PCDH9: variants seen among roughly 807,000 people sequenced by gnomAD.
The protein encoded by PCDH9 is protocadherin 9, also known as protocadherin-9.
A neutral mutation model predicts 70.6 loss-of-function variants in PCDH9; 24 were observed. That is an observed-to-expected ratio of 0.34 (90% confidence interval 0.25 to 0.48). The LOEUF is 0.48. Among genes scored for constraint, PCDH9 ranks in the 20% least tolerant of loss-of-function variants. The pLI is 0.99. For synonymous variants in PCDH9, 562 were observed against 558.5 expected, an observed-to-expected ratio of 1.01 and a Z score of -0.09; for missense variants, 1,281 against 1,503.6, an observed-to-expected ratio of 0.85 and a Z score of 2.45.
chr13:67,230,093 C>T lies in PCDH9; in HGVS notation c.-449G>A, dbSNP rs2138158486. 1 of 152,398 alleles carries T rather than the reference C, an allele frequency of 6.6e-6. No homozygotes were observed. Among genetic ancestry groups the T allele is most frequent in the South Asian group, 2.1e-4 (1 of 4,830 alleles). The allele number at this position is 152,398 out of a possible 1,614,324, so 9.4% of individuals were successfully genotyped here. A position where few individuals can be genotyped will look rare whatever the true frequency, so the allele number is the denominator to read the frequency against. On this transcript the variant is annotated 5_prime_UTR_variant, in exon 1 of 5. An upstream start codon of the reference 5' UTR is lost. Coordinates refer to ENST00000377865, the MANE Select transcript of PCDH9 (RefSeq NM_203487.3). ...AGCTCAGGGATATTTTCCACAGCAG[C>T]ATGCATACCATTTCCATCCGATGCC...
At chr13:66,879,001 C>T (rs1195313997) in intron 3 of PCDH9, among the ~76,000 whole-genome samples, 1 of 152,102 alleles carries the variant, frequency 6.6e-6, no homozygotes, top group Non-Finnish European at 1.5e-5. Flanking sequence ...TTATGATACA[C>T]TGTCATTCAG....
chr13:66,726,599 A>T (rs911770462), intron 3 of PCDH9, among the ~76,000 whole-genome samples: 4 of 152,052 alleles, frequency 2.6e-5, no homozygotes, highest in African/African-American at 9.7e-5. Flanking sequence ...CTTTGGTGGG[A>T]TTTCTGCTCC....
chr13:66,729,313 G>T (rs1245664323), intron 3 of PCDH9, among the ~76,000 whole-genome samples: 2 of 151,958 alleles, frequency 1.3e-5, no homozygotes, highest in African/African-American at 4.8e-5. Flanking sequence ...AATTCCTCTT[G>T]GATCAGGCTC....
intron 3 of PCDH9, among the ~76,000 whole-genome samples, chr13:66,769,590 C>A (rs1363094784): frequency 6.6e-6 from 1 of 151,878 alleles, no homozygotes; most frequent in African/African-American, 2.4e-5. Flanking sequence ...TAAAAGTTGA[C>A]ATGTAGACCA....
chr13:66,434,862 G>A (rs955483582), intron 4 of PCDH9, among the ~76,000 whole-genome samples: 1 of 152,028 alleles, frequency 6.6e-6, no homozygotes, highest in Non-Finnish European at 1.5e-5. Context: ...AAACAAAAAA[G>A]TGATGTAGAA....
intron 2 of PCDH9, chr13:67,204,982 T>C (rs1407559181): frequency 6.6e-6 from 1 of 152,208 alleles, no homozygotes. Context: ...TTTGGTCTAA[T>C]TAAATATGAG....
chr13:66,711,012 C>T (rs563084376), intron 3 of PCDH9, among the ~76,000 whole-genome samples: 6 of 152,180 alleles, frequency 3.9e-5, no homozygotes, highest in African/African-American at 1.4e-4. Context: ...CAATGTAAAA[C>T]GATATATTCA....
chr13:66,719,507 C>T (rs1211144688), intron 3 of PCDH9, among the ~76,000 whole-genome samples: 2 of 152,106 alleles, frequency 1.3e-5, no homozygotes, highest in East Asian at 3.9e-4. Context: ...AGAGGGTGAG[C>T]TCTCATGAGA....
intron 4 of PCDH9, among the ~76,000 whole-genome samples, chr13:66,622,772 G>A (rs1800145504): frequency 1.3e-5 from 2 of 152,180 alleles, no homozygotes; most frequent in Admixed American, 6.5e-5. Context: ...GGCTGCCCGG[G>A]CAGGCAGTGG....
At chr13:67,084,835 C>T (rs1328612195) in intron 2 of PCDH9, among the ~76,000 whole-genome samples, 5 of 150,032 alleles carry the variant, frequency 3.3e-5, no homozygotes, top group East Asian at 2.0e-4. Context: ...GGCGTGGTGG[C>T]GGGCGCCTGT....
At chr13:66,337,459 C>T (rs766373885) in intron 4 of PCDH9, among the ~76,000 whole-genome samples, 1 of 152,038 alleles carries the variant, frequency 6.6e-6, no homozygotes, top group Non-Finnish European at 1.5e-5. Context: ...AGTAGAATGT[C>T]TGGCTTTTAA....
intron 4 of PCDH9, among the ~76,000 whole-genome samples, chr13:66,600,315 G>T (rs145984061): frequency 2.0e-4 from 30 of 151,858 alleles, no homozygotes; most frequent in African/African-American, 7.2e-4. Flanking sequence ...TCAAAACAAC[G>T]TATTTTAGAA....
intron 4 of PCDH9, among the ~76,000 whole-genome samples, chr13:66,344,681 A>G (rs1194793439): frequency 2.6e-5 from 4 of 152,314 alleles, no homozygotes; most frequent in African/African-American, 9.6e-5. Flanking sequence ...CTTTAGCTAT[A>G]TAATGGCTTT....
chr13:66,596,534 A>G (rs1422057922), intron 4 of PCDH9, among the ~76,000 whole-genome samples: 1 of 151,640 alleles, frequency 6.6e-6, no homozygotes, highest in Non-Finnish European at 1.5e-5. Flanking sequence ...TATATGTTAC[A>G]CATATTGCTA....
intron 3 of PCDH9, among the ~76,000 whole-genome samples, chr13:66,771,831 A>G (rs1342780902): frequency 3.3e-5 from 5 of 152,256 alleles, no homozygotes; most frequent in African/African-American, 1.2e-4. Context: ...ATTAAATGAG[A>G]AAAAGTTGCA....
intron 2 of PCDH9, among the ~76,000 whole-genome samples, chr13:66,980,340 A>G (rs1256497598): frequency 6.6e-6 from 1 of 152,110 alleles, no homozygotes; most frequent in Non-Finnish European, 1.5e-5. Context: ...GTCTAAGTCC[A>G]TTTCCCACAA....
intron 3 of PCDH9, among the ~76,000 whole-genome samples, chr13:66,789,198 G>T (rs1448075582): frequency 6.6e-6 from 1 of 152,142 alleles, no homozygotes; most frequent in Non-Finnish European, 1.5e-5. Flanking sequence ...TTCAGACCCT[G>T]AGTAACCGGC....
chr13:67,065,282 C>T (rs890684276), intron 2 of PCDH9, among the ~76,000 whole-genome samples: 2 of 152,096 alleles, frequency 1.3e-5, no homozygotes, highest in African/African-American at 4.8e-5. Flanking sequence ...ACTCTAAGAG[C>T]TCAGCTTTGG....
At chr13:66,560,846 G>A (rs1044225871) in intron 4 of PCDH9, among the ~76,000 whole-genome samples, 46 of 152,292 alleles carry the variant, frequency 3.0e-4, no homozygotes, top group Admixed American at 2.5e-3. Context: ...CCAGAAGTCC[G>A]GAATTCTACA....
Sources: gnomAD v4.1 joint callset for allele counts (sites outside exome capture counted in the v4.1 genomes callset) on GRCh38, gnomAD v4.1.1 for gene constraint, MANE v1.5 for transcripts, NCBI Gene and HGNC (gene_info 2026-07-23, HGNC 2026-07-21) for gene names.